Variants in GRIN2B observed in about 807,000 individuals in gnomAD.
GRIN2B encodes glutamate ionotropic receptor NMDA type subunit 2B, also known as glutamate receptor ionotropic, NMDA 2B.
In GRIN2B, 5 loss-of-function variants were observed where a neutral mutation model predicts 114.5. That is an observed-to-expected ratio of 0.04 (90% confidence interval 0.02 to 0.09). The LOEUF (loss-of-function observed/expected upper bound fraction) is 0.09. GRIN2B is among the 10% of genes least tolerant of loss of function. The pLI, the probability that GRIN2B is intolerant of heterozygous loss-of-function variation, is 1.00. For missense variants in GRIN2B, 1,108 were observed against 1,943.5 expected, an observed-to-expected ratio of 0.57 and a Z score of 8.08; for synonymous variants, 787 against 745.1, an observed-to-expected ratio of 1.06 and a Z score of -0.92.
At chr12:13,663,958 C>CAAAATTAAA (rs1345950287) in intron 5 of GRIN2B, among the ~76,000 whole-genome samples, 3 of 152,126 alleles carry the variant, frequency 2.0e-5, no homozygotes, top group African/African-American at 7.2e-5. Context: ...TTAGTTTTAA[C>CAAAATTAAA]AAAATTAAAA....
chr12:13,792,133 G>A (rs1220914348), intron 3 of GRIN2B, among the ~76,000 whole-genome samples: 1 of 152,220 alleles, frequency 6.6e-6, no homozygotes, highest in African/African-American at 2.4e-5. Context: ...AGCATCTCAA[G>A]GGCAGCCACT....
intron 3 of GRIN2B, among the ~76,000 whole-genome samples, chr12:13,806,015 A>C (rs1428936738): frequency 6.6e-6 from 1 of 152,200 alleles, no homozygotes; most frequent in African/African-American, 2.4e-5. Flanking sequence ...TTCACTTAGC[A>C]AAATGTCCTC....
At chr12:13,834,273 G>A (rs1297658603) in intron 3 of GRIN2B, among the ~76,000 whole-genome samples, 3 of 147,076 alleles carry the variant, frequency 2.0e-5, no homozygotes, top group Admixed American at 7.0e-5. Flanking sequence ...TCCTGACCTC[G>A]TGATCCACCC....
At chr12:13,695,986 T>C (rs1362601573) in intron 4 of GRIN2B, among the ~76,000 whole-genome samples, 1 of 152,162 alleles carries the variant, frequency 6.6e-6, no homozygotes, top group African/African-American at 2.4e-5. Context: ...AGAATAAGTA[T>C]AGCTCTGACC....
chr12:13,743,841 A>G (rs985883821), intron 4 of GRIN2B, among the ~76,000 whole-genome samples: 1 of 152,168 alleles, frequency 6.6e-6, no homozygotes, highest in Admixed American at 6.5e-5. Flanking sequence ...GAAATTTTTG[A>G]TAATTGGGTT....
chr12:13,768,128 C>T (rs1863833666), intron 3 of GRIN2B, among the ~76,000 whole-genome samples: 1 of 152,206 alleles, frequency 6.6e-6, no homozygotes, highest in African/African-American at 2.4e-5. Flanking sequence ...ATTAGTTAAG[C>T]TTCCTTCTTT....
rs1329961678 is a variant in GRIN2B at position 13,564,861 on chromosome 12, GA to G, written c.2599-223del. 9.3e-5 allele frequency among the ~76,000 whole-genome samples: 14 copies of G among 151,004 alleles called. 1 individual carries two copies. The highest frequency in any genetic ancestry group is 9.2e-4 in the Admixed American group (14 of 15,144). On this transcript the variant is annotated intron_variant, in intron 13 of 13. Transcript: ENST00000609686. The surrounding 1 kb of genome is among the most constrained non-coding windows in gnomAD (Gnocchi z 4.8). ...GCTGAGGTCAGTGACCTGGCCATCA[GA>G]GGGGGGGGCATGGCCCCACCCAGTA...
At chr12:13,805,238 T>G (rs994537219) in intron 3 of GRIN2B, among the ~76,000 whole-genome samples, 4 of 152,172 alleles carry the variant, frequency 2.6e-5, no homozygotes, top group African/African-American at 7.2e-5. Flanking sequence ...TCACTGAGGT[T>G]AAAGACAAAG....
At chr12:13,734,796 T>G (rs1339064344) in intron 4 of GRIN2B, among the ~76,000 whole-genome samples, 1 of 152,162 alleles carries the variant, frequency 6.6e-6, no homozygotes, top group African/African-American at 2.4e-5. Flanking sequence ...AGAGAAGGCT[T>G]CAGAGAGGAG....
chr12:13,782,304 C>G (rs1265995836), intron 3 of GRIN2B, among the ~76,000 whole-genome samples: 1 of 152,110 alleles, frequency 6.6e-6, no homozygotes, highest in South Asian at 2.1e-4. Flanking sequence ...CACACTCTCT[C>G]TCTCTCTCCC....
intron 10 of GRIN2B, among the ~76,000 whole-genome samples, chr12:13,585,640 A>G (rs1171660744): frequency 6.6e-6 from 1 of 152,152 alleles, no homozygotes; most frequent in African/African-American, 2.4e-5. Flanking sequence ...CATTTCCCCA[A>G]ACTTATTTTC....
chr12:13,585,737 C>T (rs1948913594), intron 10 of GRIN2B, among the ~76,000 whole-genome samples: 1 of 152,200 alleles, frequency 6.6e-6, no homozygotes, highest in Non-Finnish European at 1.5e-5. Context: ...GCCAGTTGAG[C>T]AACTTTCTGC....
At chr12:13,967,874 A>C (rs1867814056) in intron 2 of GRIN2B, among the ~76,000 whole-genome samples, 1 of 152,200 alleles carries the variant, frequency 6.6e-6, no homozygotes, top group Admixed American at 6.5e-5. Context: ...GCATGAGCAA[A>C]GGCCTGGAGT....
intron 5 of GRIN2B, among the ~76,000 whole-genome samples, chr12:13,650,816 T>C (rs1949805829): frequency 6.6e-6 from 1 of 152,144 alleles, no homozygotes; most frequent in Non-Finnish European, 1.5e-5. Context: ...TTTCTATCTT[T>C]CCTGCTAGAA....
At chr12:13,863,114 C>G (rs1300389924) in intron 3 of GRIN2B, among the ~76,000 whole-genome samples, 1 of 152,110 alleles carries the variant, frequency 6.6e-6, no homozygotes, top group African/African-American at 2.4e-5. Context: ...AAGGAAGGAG[C>G]AAGGGGAAAG....
At chr12:13,776,335 G>A (rs1024278202) in intron 3 of GRIN2B, among the ~76,000 whole-genome samples, 1 of 152,128 alleles carries the variant, frequency 6.6e-6, no homozygotes, top group Admixed American at 6.5e-5. Flanking sequence ...TTAATCCCTA[G>A]GTGATGGGAT....
rs1555101527 is a variant in GRIN2B at position 13,562,873 on chromosome 12, A to T, written c.4365T>A (p.Cys1455Ter). 1 of 1,614,162 alleles carries T rather than the reference A, an allele frequency of 6.2e-7. No homozygotes were observed. Among genetic ancestry groups the T allele is most frequent in the Non-Finnish European group, 8.5e-7 (1 of 1,179,974 alleles). Residue 1455 changes from cysteine to a stop codon, truncating the protein, a stop_gained, in exon 14 of 14, where the codon TGT (cysteine) becomes TGA (stop). Transcript: ENST00000609686. LOFTEE classifies it high-confidence loss of function. ...DICIGNQSNP[C>*]VPNNKNPRAF... ...CCCTGGGGTTTTTGTTGTTAGGCAC[A>T]CAGGGGTTGGACTGGTTCCCTATAC...
At chr12:13,869,475 A>T (rs1352936430) in intron 2 of GRIN2B, among the ~76,000 whole-genome samples, 3 of 152,142 alleles carry the variant, frequency 2.0e-5, no homozygotes, top group Non-Finnish European at 2.9e-5. Context: ...TTAATATTTG[A>T]CCATTTTTGA....
chr12:13,583,377 G>T (rs1280334752), intron 10 of GRIN2B, among the ~76,000 whole-genome samples: 4 of 152,182 alleles, frequency 2.6e-5, no homozygotes, highest in African/African-American at 7.2e-5. Context: ...TCCATTTAAT[G>T]GACAGGGAAA....
Sources: gnomAD v4.1 joint callset for allele counts (sites outside exome capture counted in the v4.1 genomes callset) on GRCh38, gnomAD v4.1.1 for gene constraint, Gnocchi (gnomAD v3.1) non-coding constraint, MANE v1.5 for transcripts, NCBI Gene and HGNC (gene_info 2026-07-23, HGNC 2026-07-21) for gene names.